NLGN1: variants seen among roughly 807,000 people sequenced by gnomAD.
NLGN1 encodes neuroligin 1.
A neutral mutation model predicts 65.5 loss-of-function variants in NLGN1; 12 were observed. That is an observed-to-expected ratio of 0.18 (90% CI 0.12 to 0.30). The LOEUF is 0.30. Among genes scored for constraint, NLGN1 ranks in the 10% least tolerant of loss-of-function variants. The pLI is 1.00. For missense variants in NLGN1, 750 were observed against 1,007.1 expected, an observed-to-expected ratio of 0.74 and a Z score of 3.46; for synonymous variants, 350 against 359.5, an observed-to-expected ratio of 0.97 and a Z score of 0.30.
chr3:174,160,412 C>G (rs545393041), intron 4 of NLGN1, among the ~76,000 whole-genome samples: 1 of 151,580 alleles, frequency 6.6e-6, no homozygotes, highest in East Asian at 1.9e-4. Context: ...ATAACTTAAA[C>G]TTTTTTTTCA....
At chr3:173,852,128 G>A (rs1398296448) in intron 4 of NLGN1, among the ~76,000 whole-genome samples, 2 of 151,266 alleles carry the variant, frequency 1.3e-5, no homozygotes, top group Non-Finnish European at 3.0e-5. Flanking sequence ...AGGCCGAGGC[G>A]GGCGGATCAC....
intron 1 of NLGN1, among the ~76,000 whole-genome samples, chr3:173,427,210 CTTAA>C (rs1211063668): frequency 1.3e-4 from 19 of 151,650 alleles, no homozygotes; most frequent in African/African-American, 4.4e-4. Flanking sequence ...CTTTGTTTTT[CTTAA>C]TTAGTCACAC....
rs148487842 is a variant in NLGN1 at position 174,257,720 on chromosome 3, A to AAT, written c.647-17578_647-17577dup. ...TTGTCTAGAGGGACAGAACTAGTGG[A>AAT]ATATATATATATATATATTTATTCA... On this transcript the variant is annotated intron_variant, in intron 4 of 6. Coordinates refer to ENST00000457714, the Ensembl canonical transcript of NLGN1. Among the ~76,000 whole-genome samples, 1,238 of 146,464 alleles carry AAT rather than the reference A, an allele frequency of 8.5e-3. 9 individuals are homozygous for AAT. The highest frequency in any genetic ancestry group is 0.021 in the East Asian group (102 of 4,814).
chr3:173,578,305 A>T (rs939540067), intron 2 of NLGN1, among the ~76,000 whole-genome samples: 1 of 152,090 alleles, frequency 6.6e-6, no homozygotes, highest in African/African-American at 2.4e-5. Context: ...GAAATCATGG[A>T]ACTAAATATT....
intron 4 of NLGN1, among the ~76,000 whole-genome samples, chr3:174,236,491 T>G (rs1394900797): frequency 6.6e-6 from 1 of 152,062 alleles, no homozygotes; most frequent in East Asian, 1.9e-4. Context: ...CTATTTTCAT[T>G]GTAGATTGTA....
chr3:173,528,352 T>C (rs1021236875), intron 2 of NLGN1, among the ~76,000 whole-genome samples: 4 of 152,202 alleles, frequency 2.6e-5, no homozygotes, highest in Admixed American at 6.5e-5. Flanking sequence ...GATGTTTCTC[T>C]CTAGCTGCTT....
rs138668984 is a variant in NLGN1, at chr3:173,957,903, G to T, written c.646+150071G>T. On this transcript the variant is annotated intron_variant, in intron 4 of 6. Coordinates refer to ENST00000457714, the Ensembl canonical transcript of NLGN1. ...GCCTGGATCCCACACCTGCCAAGAT[G>T]AGTTAAGTGTGGAACAGCAAGGGGT... Among the ~76,000 whole-genome samples the T allele has an allele frequency of 7.9e-5, 12 of 152,322 alleles. No individual in the cohort carries two copies. The East Asian group carries it at 2.3e-3, about 29-fold the overall frequency.
chr3:173,939,909 T>C (rs959467949), intron 4 of NLGN1, among the ~76,000 whole-genome samples: 2 of 152,138 alleles, frequency 1.3e-5, no homozygotes, highest in African/African-American at 4.8e-5. Flanking sequence ...AAAATTGATT[T>C]AATGCACTTT....
At chr3:173,994,773 A>G (rs6789981) in intron 4 of NLGN1, among the ~76,000 whole-genome samples, 8,599 of 152,206 alleles carry the variant, frequency 0.056, 330 homozygotes, top group Middle Eastern at 0.11. Flanking sequence ...AAACTTCTGA[A>G]CAGTTTTTGG....
intron 2 of NLGN1, among the ~76,000 whole-genome samples, chr3:173,450,500 TC>T (rs1440995664): frequency 1.3e-5 from 2 of 152,188 alleles, no homozygotes; most frequent in African/African-American, 4.8e-5. Flanking sequence ...TAACATTTTT[TC>T]CTTCATTTCA....
chr3:173,657,338 T>C (rs1334654555), intron 3 of NLGN1, among the ~76,000 whole-genome samples: 1 of 152,008 alleles, frequency 6.6e-6, no homozygotes, highest in East Asian at 1.9e-4. Context: ...TAGTGCAAAT[T>C]GAATTGGTTT....
rs1491163604 is a variant in NLGN1 at position 173,539,523 on chromosome 3, GTA to G, written c.-320-64749_-320-64748del. ...TATGTATATGTATGTACATGTATATGTATATATACATATGTATATATAAAATA... is the reference window on the plus strand; with the variant it reads ...TATGTATATGTATGTACATGTATATGTATATACATATGTATATATAAAATA... On this transcript the variant is annotated intron_variant, in intron 2 of 6. Transcript: ENST00000457714. 2.3e-3 allele frequency among the ~76,000 whole-genome samples: 319 copies of G among 140,274 alleles called. 6 individuals carry two copies. Among genetic ancestry groups the G allele is most frequent in the Non-Finnish European group, 3.2e-3 (210 of 65,872 alleles). The allele number at this position is 140,274 out of a possible 152,430, so 92.0% of individuals were successfully genotyped here.
At chr3:173,887,291 T>G (rs1460013462) in intron 4 of NLGN1, among the ~76,000 whole-genome samples, 1 of 152,042 alleles carries the variant, frequency 6.6e-6, no homozygotes, top group East Asian at 1.9e-4. Context: ...ACAATGATTC[T>G]GGAATCCTAA....
At chr3:174,029,556 T>C (rs1729512100) in intron 4 of NLGN1, among the ~76,000 whole-genome samples, 2 of 152,284 alleles carry the variant, frequency 1.3e-5, no homozygotes, top group Admixed American at 6.5e-5. Flanking sequence ...GAGTTAATGC[T>C]GGAATGAGTT....
intron 3 of NLGN1, among the ~76,000 whole-genome samples, chr3:173,669,920 A>T (rs1762235447): frequency 6.6e-6 from 1 of 152,218 alleles, no homozygotes; most frequent in Non-Finnish European, 1.5e-5. Context: ...CTATTATGTG[A>T]TGTAAGGTTT....
chr3:173,790,465 G>A (rs922244310), intron 3 of NLGN1, among the ~76,000 whole-genome samples: 1 of 151,978 alleles, frequency 6.6e-6, no homozygotes, highest in African/African-American at 2.4e-5. Flanking sequence ...TTATAGATCA[G>A]GCATTATACT....
At chr3:173,996,736 A>G (rs1044531317) in intron 4 of NLGN1, among the ~76,000 whole-genome samples, 2 of 152,334 alleles carry the variant, frequency 1.3e-5, no homozygotes, top group Non-Finnish European at 2.9e-5. Context: ...ACTTCAGACT[A>G]TGTAAACAAG....
intron 4 of NLGN1, among the ~76,000 whole-genome samples, chr3:173,991,056 C>T (rs1720999217): frequency 6.6e-6 from 1 of 152,090 alleles, no homozygotes; most frequent in Admixed American, 6.5e-5. Flanking sequence ...GATATTGACA[C>T]ATTATTATCA....
chr3:173,450,150 T>G (rs1015976114), intron 2 of NLGN1, among the ~76,000 whole-genome samples: 3 of 152,202 alleles, frequency 2.0e-5, no homozygotes, highest in African/African-American at 7.2e-5. Flanking sequence ...GCAGTTTCTT[T>G]CTAGTCCTGA....
Sources: gnomAD v4.1 joint callset for allele counts (sites outside exome capture counted in the v4.1 genomes callset) on GRCh38, gnomAD v4.1.1 for gene constraint, MANE v1.5 for transcripts, NCBI Gene and HGNC (gene_info 2026-07-23, HGNC 2026-07-21) for gene names.